The following OSBPL7 variants were observed in gnomAD, a reference collection of about 807,000 sequenced individuals.
The protein encoded by OSBPL7 is oxysterol-binding protein-related protein 7.
In OSBPL7, 66 loss-of-function variants were observed where a neutral mutation model predicts 115.8. The ratio of observed to expected loss-of-function variants is 0.57; its 90% confidence interval spans 0.47 to 0.70. The LOEUF (loss-of-function observed/expected upper bound fraction) is 0.70. OSBPL7 is among the 30% of genes least tolerant of loss of function. OSBPL7 has a pLI of 0.00. For synonymous variants in OSBPL7, 441 were observed against 439.2 expected, an observed-to-expected ratio of 1.00 and a Z score of -0.05; for missense variants, 902 against 1,125.5, an observed-to-expected ratio of 0.80 and a Z score of 2.84.
At chr17:47,814,767 C>T (rs956341073) in intron 13 of OSBPL7, 153 bp from the exon 14 acceptor site, 18 of 671,490 alleles carry the variant, frequency 2.7e-5, no homozygotes, top group African/African-American at 7.3e-5. Context: ...GACATTGCCC[C>T]GGGATGCCTG....
chr17:47,814,482 C>CCCCCCCCCCCCCCCCCTT, intron 14 of OSBPL7, 39 bp downstream of exon 14: 1 of 1,062,012 alleles, frequency 9.4e-7, no homozygotes, highest in Admixed American at 1.8e-5. Flanking sequence ...TTTTTCCACC[C>CCCCCCCCCCCCCCCCCTT]GCCTCCCACC....
intron 4 of OSBPL7, 155 bp downstream of exon 4, chr17:47,819,573 TG>T: frequency 1.2e-6 from 1 of 837,404 alleles, no homozygotes; most frequent in Non-Finnish European, 1.9e-6. Flanking sequence ...GAGGAAGCTA[TG>T]GCCCAGGGAT....
intron 16 of OSBPL7, among the ~76,000 whole-genome samples, chr17:47,812,927 C>A (rs1015279092): frequency 6.6e-6 from 1 of 152,204 alleles, no homozygotes; most frequent in Admixed American, 6.5e-5. Context: ...CCAGCCCCAT[C>A]TCTAACCTTC....
In OSBPL7 at chr17:47,816,226, C is replaced by T. The variant is rs978884968; in HGVS notation, c.1024-24G>A. 61 of 1,542,162 alleles carry T rather than the reference C, an allele frequency of 4.0e-5. No individual in the cohort carries two copies. Among genetic ancestry groups the T allele is most frequent in the Non-Finnish European group, 4.9e-5 (56 of 1,140,842 alleles). ...ACCTGCAGGGAGAGGGTGAGGGACACGGTGCCAGGAGGATGAGGTCCTCCC... is the reference window on the plus strand; with the variant it reads ...ACCTGCAGGGAGAGGGTGAGGGACATGGTGCCAGGAGGATGAGGTCCTCCC... On this transcript the variant is annotated intron_variant, in intron 11 of 22. Transcript: ENST00000007414. This position sits in a 1 kb window ranked among gnomAD's most constrained non-coding sequence, Gnocchi z 5.8.
At position 47,819,962 on chromosome 17, in the gene OSBPL7, C is replaced by T. The variant is rs2033346887; in HGVS notation, c.201+9G>A. On this transcript the variant is annotated intron_variant, in intron 3 of 22. Transcript: ENST00000007414. Reference sequence around the variant, plus strand: ...ATGTCTGGACCCTCCCTTTGCCTGCCCACCCTACCTTGTGCCAGCCCTTCA... The same window carrying T: ...ATGTCTGGACCCTCCCTTTGCCTGCTCACCCTACCTTGTGCCAGCCCTTCA... 1 of 1,597,210 alleles carries T rather than the reference C, an allele frequency of 6.3e-7. No individual in the cohort carries two copies.
In OSBPL7 at chr17:47,809,592, T is replaced by C; in HGVS notation, c.1881-114A>G. 6.5e-6 allele frequency: 8 copies of C among 1,226,410 alleles called. No individual in the cohort carries two copies. In the South Asian group the frequency reaches 1.2e-4, roughly 18 times the overall value. 76.0% of individuals were successfully genotyped at this position (1,226,410 alleles called of 1,614,324 possible). On this transcript the variant is annotated intron_variant, in intron 18 of 22. Transcript: ENST00000007414. ...TGGGCCTGTGACAGGAACCCTGGGG[T>C]CCCAACTCCAGTTCTGCAGTGAAGG...
At chr17:47,809,296 C>T in intron 19 of OSBPL7, 38 bp downstream of exon 19, 1 of 1,610,922 alleles carries the variant, frequency 6.2e-7, no homozygotes. Context: ...ACAGAGGCTG[C>T]CGGGGATGGA....
chr17:47,821,183 C>G (rs1009620456), intron 1 of OSBPL7, among the ~76,000 whole-genome samples: 13 of 152,168 alleles, frequency 8.5e-5, no homozygotes, highest in African/African-American at 3.1e-4. Flanking sequence ...CATCCTGGCT[C>G]CACCGGGAGA....
Position 47,820,266 on chromosome 17 carries a change from C to T in OSBPL7, c.13G>A (p.Glu5Lys), listed in dbSNP as rs916370175. 5 of 1,613,644 alleles carry T rather than the reference C, an allele frequency of 3.1e-6. No individual in the cohort carries two copies. The highest frequency in any genetic ancestry group is 1.3e-5 in the African/African-American group (1 of 74,906). ...TCAGGCAGGAAGGGCGGGTCCCTCT[C>T]TTGGAAGTCCATGGAGAAGGGAGAG... MDFQERDPPFLPESA... is the reference protein window; with the variant it reads MDFQKRDPPFLPESA... Residue 5 changes from glutamate (E) to lysine (K), a missense_variant, in exon 2 of 23, where the codon GAG becomes AAG. By Grantham distance (56) the Glu-to-Lys change is moderately conservative (BLOSUM62 1). Transcript: ENST00000007414.
rs369735554 is a variant in OSBPL7 at position 47,816,757 on chromosome 17, G to A, written c.795+23C>T. The stretch of plus-strand genomic sequence containing the variant: ...CCTTAGAGCATCCTGCCCCAGCTAC[G>A]TGAGGTGCATGCCCGACCTCACCCG... On this transcript the variant is annotated intron_variant, in intron 9 of 22. Transcript: ENST00000007414. The surrounding 1 kb of genome is among the most constrained non-coding windows in gnomAD (Gnocchi z 5.8). 2.5e-6 allele frequency: 4 copies of A among 1,614,042 alleles called. No individual in the cohort carries two copies. Among genetic ancestry groups the A allele is most frequent in the South Asian group, 1.1e-5 (1 of 91,082 alleles).
In OSBPL7 at chr17:47,809,436, A is replaced by G. The variant is rs754434499; in HGVS notation, c.1923T>C (p.Ile641=). ...AGCGCTGACCACTCAGGACATTGTG[A>G]ATGCAGGATGTCACCTTGTTCCACT... is the stretch of plus-strand genomic sequence containing the variant. The part of the protein sequence containing the change: ...HFEWNKVTSC[I]HNVLSGQRWI... Residue 641 remains isoleucine (I), a synonymous_variant, in exon 19 of 23, where the codon ATT becomes ATC. Transcript: ENST00000007414. 6.2e-6 allele frequency: 10 copies of G among 1,613,776 alleles called. No individual in the cohort carries two copies. The highest frequency in any genetic ancestry group is 7.6e-6 in the Non-Finnish European group (9 of 1,179,796).
At chr17:47,809,282 A>C in intron 19 of OSBPL7, 52 bp downstream of exon 19, 1 of 1,611,540 alleles carries the variant, frequency 6.2e-7, no homozygotes, top group Non-Finnish European at 8.5e-7. Context: ...GGTGACCTCC[A>C]GAGACAGAGG....
At chr17:47,817,171 C>T (rs2033248334) in intron 8 of OSBPL7, 85 bp downstream of exon 8, 10 of 1,094,830 alleles carry the variant, frequency 9.1e-6, no homozygotes, top group Middle Eastern at 2.6e-4. Flanking sequence ...GAAACTGCAG[C>T]GATGTAGGAG....
intron 14 of OSBPL7, 107 bp from the exon 15 acceptor site, chr17:47,813,941 A>T: frequency 1.4e-6 from 2 of 1,393,838 alleles, no homozygotes; most frequent in Non-Finnish European, 9.5e-7. Context: ...CCCCTGGGAC[A>T]TTCGCCCCTG....
chr17:47,817,077 G>T, intron 8 of OSBPL7, 179 bp downstream of exon 8: 1 of 702,826 alleles, frequency 1.4e-6, no homozygotes. Context: ...AGAGGCATGG[G>T]CATGGAGGAA....
In OSBPL7 at chr17:47,808,718, A is replaced by G; in HGVS notation, c.2298-58T>C. On this transcript the variant is annotated intron_variant, in intron 21 of 22. Transcript: ENST00000007414. This position sits in a 1 kb window ranked among gnomAD's most constrained non-coding sequence, Gnocchi z 6.1. ...CCATCTGCAGGGGCCCCCAAACCCA[A>G]GGCCTCTGTCTCTGCCCAACTCTGT... The G allele has an allele frequency of 1.9e-6, 3 of 1,609,836 alleles. No homozygotes were observed. Among genetic ancestry groups the G allele is most frequent in the Non-Finnish European group, 2.5e-6 (3 of 1,177,840 alleles).
At position 47,807,531 on chromosome 17, in the gene OSBPL7, C is replaced by A. The variant is rs1375927303; in HGVS notation, c.*760G>T. The A allele has an allele frequency of 6.5e-6, 1 of 152,728 alleles. No individual in the cohort carries two copies. Among genetic ancestry groups the A allele is most frequent in the Admixed American group, 6.5e-5 (1 of 15,282 alleles). The allele number at this position is 152,728 out of a possible 1,614,324, so 9.5% of individuals were successfully genotyped here. ...CCTGCAAGCAGGGCACAGGCGCACA[C>A]GCATACACTCTCCTACATGAACTTA... On this transcript the variant is annotated 3_prime_UTR_variant, in exon 23 of 23. Coordinates refer to ENST00000007414, the MANE Select transcript of OSBPL7 (RefSeq NM_145798.3).
chr17:47,808,332 C>G lies in OSBPL7; in HGVS notation c.2488G>C (p.Glu830Gln). The G allele has an allele frequency of 6.2e-7, 1 of 1,614,030 alleles. No individual in the cohort carries two copies. Among genetic ancestry groups the G allele is most frequent in the Non-Finnish European group, 8.5e-7 (1 of 1,179,982 alleles). Residue 830 changes from glutamate (E) to glutamine (Q), a missense_variant, in exon 23 of 23, where the codon GAG (glutamate) becomes CAG (glutamine). Transcript: ENST00000007414. The surrounding 1 kb of genome is among the most constrained non-coding windows in gnomAD (Gnocchi z 6.1). ...TNNTYWRLRA[E>Q]PGYGNMDGAV... ...CCATCCATGTTCCCATAGCCTGGCTCGGCCCGCAGCCTCCAGTAGGTATTG... is the reference window on the plus strand; with the variant it reads ...CCATCCATGTTCCCATAGCCTGGCTGGGCCCGCAGCCTCCAGTAGGTATTG...
chr17:47,814,874 G>A, intron 13 of OSBPL7: 2 of 567,936 alleles, frequency 3.5e-6, no homozygotes, highest in Non-Finnish European at 6.3e-6. Context: ...ACAGAGGGAA[G>A]GGAAGTTGGG....
Sources: gnomAD v4.1 joint callset for allele counts (sites outside exome capture counted in the v4.1 genomes callset) on GRCh38, gnomAD v4.1.1 for gene constraint, Gnocchi (gnomAD v3.1) non-coding constraint, MANE v1.5 for transcripts, NCBI Gene and HGNC (gene_info 2026-07-23, HGNC 2026-07-21) for gene names.